Variants in RHOU observed in about 807,000 individuals in gnomAD.
RHOU encodes the protein ras homolog family member U.
In RHOU, 8 loss-of-function variants were observed where a neutral mutation model predicts 12.6. That is an observed-to-expected ratio of 0.64 (90% CI 0.37 to 1.15). The LOEUF (loss-of-function observed/expected upper bound fraction) is 1.15. Among genes scored for constraint, RHOU ranks in the 50% most tolerant of loss-of-function variants. The pLI, the probability that RHOU is intolerant of heterozygous loss-of-function variation, is 0.01. For synonymous variants in RHOU, 161 were observed against 147.4 expected, an observed-to-expected ratio of 1.09 and a Z score of -0.67; for missense variants, 258 against 347.0, an observed-to-expected ratio of 0.74 and a Z score of 2.04.
At chr1:228,687,781 A>G in the RHOU span, 2 of 1,350,596 alleles carry the variant, frequency 1.5e-6, no homozygotes, top group Non-Finnish European at 2.1e-6. Context: ...TCGGCGGAAT[A>G]CCTCTTAGAC....
the RHOU span, among the ~76,000 whole-genome samples, chr1:228,710,824 G>C: frequency 1.3e-5 from 2 of 152,136 alleles, no homozygotes; most frequent in African/African-American, 4.8e-5. Flanking sequence ...AATGAGGCAG[G>C]AGAAGGAAAT....
At chr1:228,707,466 C>T in the RHOU span, among the ~76,000 whole-genome samples, 60 of 151,262 alleles carry the variant, frequency 4.0e-4, no homozygotes, top group Non-Finnish European at 2.1e-4. Flanking sequence ...GATCTGAGAA[C>T]GGGCAGACTG....
At chr1:228,714,446 C>T in the RHOU span, among the ~76,000 whole-genome samples, 5 of 152,102 alleles carry the variant, frequency 3.3e-5, no homozygotes, top group Non-Finnish European at 5.9e-5. Context: ...ATCTAGGTCT[C>T]GTGCATTTTG....
At chr1:228,732,785 G>A (rs1320203587), upstream of RHOU, among the ~76,000 whole-genome samples, 3 of 152,140 alleles carry the variant, frequency 2.0e-5, no homozygotes, top group East Asian at 5.8e-4. Flanking sequence ...GCCAAGTTTT[G>A]TAGGGCCTGA....
chr1:228,698,882 A>C, the RHOU span, among the ~76,000 whole-genome samples: 1 of 152,232 alleles, frequency 6.6e-6, no homozygotes, highest in African/African-American at 2.4e-5. Context: ...GAGTGTATAC[A>C]AGACCCCTTT....
the RHOU span, among the ~76,000 whole-genome samples, chr1:228,666,957 T>C: frequency 6.6e-6 from 1 of 152,186 alleles, no homozygotes; most frequent in Non-Finnish European, 1.5e-5. Flanking sequence ...ACATTACCTT[T>C]CTTGTGCCTC....
chr1:228,657,359 C>A, the RHOU span, among the ~76,000 whole-genome samples: 2 of 141,676 alleles, frequency 1.4e-5, no homozygotes, highest in Admixed American at 7.0e-5. Context: ...AAATAGTGAC[C>A]AAAAGAGAAC....
chr1:228,694,775 G>A, the RHOU span, among the ~76,000 whole-genome samples: 1 of 152,136 alleles, frequency 6.6e-6, no homozygotes, highest in African/African-American at 2.4e-5. Flanking sequence ...CAGTGCTGCA[G>A]TGAATATACG....
chr1:228,656,136 T>G, the RHOU span, among the ~76,000 whole-genome samples: 5 of 152,236 alleles, frequency 3.3e-5, no homozygotes, highest in Non-Finnish European at 4.4e-5. Context: ...ATATTCACTT[T>G]GCAATGCTTA....
chr1:228,717,836 C>A, the RHOU span, among the ~76,000 whole-genome samples: 6 of 152,172 alleles, frequency 3.9e-5, no homozygotes, highest in African/African-American at 1.2e-4. Context: ...CCCATGAATC[C>A]AGCCAGTCAT....
upstream of RHOU, among the ~76,000 whole-genome samples, chr1:228,734,340 A>T (rs924240937): frequency 3.9e-5 from 6 of 152,178 alleles, no homozygotes; most frequent in African/African-American, 1.4e-4. Context: ...GACCATGGCC[A>T]TACGTTCAAG....
At chr1:228,664,934 G>A in the RHOU span, among the ~76,000 whole-genome samples, 1 of 152,186 alleles carries the variant, frequency 6.6e-6, no homozygotes, top group Non-Finnish European at 1.5e-5. Flanking sequence ...TTACAGGTGT[G>A]AGCCACCGTG....
At chr1:228,687,661 A>G in the RHOU span, 1 of 1,540,164 alleles carries the variant, frequency 6.5e-7, no homozygotes, top group Non-Finnish European at 8.9e-7. Context: ...AATGACCCCC[A>G]TTTGTGTGAC....
At chr1:228,671,741 C>G in the RHOU span, among the ~76,000 whole-genome samples, 10 of 138,708 alleles carry the variant, frequency 7.2e-5, no homozygotes, top group African/African-American at 1.9e-4. Context: ...AAAAAGAGAA[C>G]TAAGTGAAAA....
the RHOU span, among the ~76,000 whole-genome samples, chr1:228,707,925 A>C: frequency 6.6e-6 from 1 of 152,172 alleles, no homozygotes; most frequent in Non-Finnish European, 1.5e-5. Context: ...ATTTAGAAGA[A>C]TATATAACTA....
chr1:228,687,945 CCCTT>C, the RHOU span: 2 of 687,740 alleles, frequency 2.9e-6, no homozygotes, highest in Non-Finnish European at 5.3e-6. Context: ...CTCCCTCTGT[CCCTT>C]CCTTCCTTCT....
At chr1:228,710,999 C>A in the RHOU span, among the ~76,000 whole-genome samples, 1,779 of 152,152 alleles carry the variant, frequency 0.012, 33 homozygotes, top group African/African-American at 0.041. Flanking sequence ...AAATCACAAG[C>A]ATTCTTATAC....
the RHOU span, among the ~76,000 whole-genome samples, chr1:228,686,038 C>T: frequency 6.6e-6 from 1 of 152,256 alleles, no homozygotes; most frequent in African/African-American, 2.4e-5. Flanking sequence ...AGAGGAAACA[C>T]AATGTAAGTT....
rs1662797683 is a variant in RHOU, at chr1:228,744,958, T to C, written c.*1218T>C. 6.6e-6 allele frequency: 1 copy of C among 152,208 alleles called. No homozygotes were observed. The highest frequency in any genetic ancestry group is 1.5e-5 in the Non-Finnish European group (1 of 68,032). The allele number at this position is 152,208 out of a possible 1,614,324, so 9.4% of individuals were successfully genotyped here. On this transcript the variant is annotated 3_prime_UTR_variant, in exon 3 of 3. Coordinates refer to ENST00000366691, the MANE Select transcript of RHOU (RefSeq NM_021205.6). ...AGTGTATCTTAATATATACATTTTTTAGGACATCTTAAATCTAAACAAAAA... is the reference window on the plus strand; with the variant it reads ...AGTGTATCTTAATATATACATTTTTCAGGACATCTTAAATCTAAACAAAAA...
Sources: allele counts gnomAD v4.1 joint callset (sites outside exome capture counted in the v4.1 genomes callset), GRCh38; gene constraint gnomAD v4.1.1; transcripts MANE v1.5; gene names NCBI Gene and HGNC (gene_info 2026-07-23, HGNC 2026-07-21).